The following NEBL variants were observed in gnomAD, a reference collection of about 807,000 sequenced individuals.
NEBL encodes LIM and SH3 protein 2.
NEBL carries 122 observed loss-of-function variants against 140.2 expected under a neutral mutation model. The ratio of observed to expected loss-of-function variants is 0.87; its 90% CI spans 0.75 to 1.01. The LOEUF (loss-of-function observed/expected upper bound fraction) is 1.01, where lower values mean the gene tolerates loss of function less well. Ranked by LOEUF, NEBL falls within the 50% of genes least tolerant of loss-of-function variation. The probability of loss-of-function intolerance (pLI) is 0.00; values close to 1 mark genes in which losing one functional copy is unlikely to be tolerated. For synonymous variants in NEBL, 436 were observed against 398.9 expected, an observed-to-expected ratio of 1.09 and a Z score of -1.11; for missense variants, 1,365 against 1,231.3, an observed-to-expected ratio of 1.11 and a Z score of -1.62.
intron 2 of NEBL, among the ~76,000 whole-genome samples, chr10:21,085,263 T>A (rs1172041237): frequency 6.6e-6 from 1 of 152,212 alleles, no homozygotes; most frequent in Non-Finnish European, 1.5e-5. Context: ...TCATAGCTAC[T>A]TTCTTCTCAT....
chr10:21,056,383 CAA>C (rs1835025245), intron 2 of NEBL, among the ~76,000 whole-genome samples: 1 of 148,440 alleles, frequency 6.7e-6, no homozygotes, highest in South Asian at 2.2e-4. Flanking sequence ...TAAATTTGCG[CAA>C]AGTTCCCTGT....
chr10:21,043,397 CT>C (rs1167991943), intron 2 of NEBL, among the ~76,000 whole-genome samples: 1 of 152,164 alleles, frequency 6.6e-6, no homozygotes, highest in Non-Finnish European at 1.5e-5. Flanking sequence ...TTCGAGTGTG[CT>C]TTCTATGCAC....
chr10:20,852,200 A>T (rs1842609777), intron 10 of NEBL, among the ~76,000 whole-genome samples: 1 of 152,214 alleles, frequency 6.6e-6, no homozygotes, highest in Non-Finnish European at 1.5e-5. Context: ...TGGAAAATTA[A>T]CGTTACTGCT....
chr10:21,045,126 A>G (rs183240180), intron 2 of NEBL, among the ~76,000 whole-genome samples: 248 of 152,342 alleles, frequency 1.6e-3, no homozygotes, highest in African/African-American at 5.4e-3. Flanking sequence ...TTAAAACTGT[A>G]TCTTTAAAAT....
intron 4 of NEBL, among the ~76,000 whole-genome samples, chr10:20,957,578 T>G (rs974132063): frequency 6.6e-6 from 1 of 152,114 alleles, no homozygotes; most frequent in East Asian, 1.9e-4. Flanking sequence ...TAGTCTATAC[T>G]GATCTAGGAA....
chr10:21,285,903 C>T (rs1253545295), intron 1 of NEBL, among the ~76,000 whole-genome samples: 13 of 152,190 alleles, frequency 8.5e-5, no homozygotes, highest in Non-Finnish European at 1.6e-4. Flanking sequence ...GACCCCACAC[C>T]CTGTGAGAGT....
intron 2 of NEBL, among the ~76,000 whole-genome samples, chr10:20,896,057 G>A (rs147304546): frequency 3.5e-4 from 54 of 152,188 alleles, no homozygotes; most frequent in Non-Finnish European, 4.9e-4. Flanking sequence ...ACTGACTTCC[G>A]TTAGAAAACA....
upstream of NEBL, among the ~76,000 whole-genome samples, chr10:21,179,141 G>A (rs1166268900): frequency 1.3e-5 from 2 of 152,154 alleles, no homozygotes; most frequent in Non-Finnish European, 2.9e-5. Flanking sequence ...AGGGAAGAAG[G>A]GAGGGGGAGA....
At chr10:21,055,789 A>G (rs1340651293) in intron 2 of NEBL, among the ~76,000 whole-genome samples, 1 of 152,228 alleles carries the variant, frequency 6.6e-6, no homozygotes, top group Non-Finnish European at 1.5e-5. Context: ...CCAAATTAGC[A>G]TCAAGTGTAG....
chr10:20,827,265 A>C (rs1359243368), intron 17 of NEBL, among the ~76,000 whole-genome samples: 1 of 152,214 alleles, frequency 6.6e-6, no homozygotes, highest in Non-Finnish European at 1.5e-5. Context: ...AGAGCACGGT[A>C]GGAGAGATGT....
intron 4 of NEBL, among the ~76,000 whole-genome samples, chr10:20,944,896 C>T (rs1835081108): frequency 6.6e-6 from 1 of 152,118 alleles, no homozygotes; most frequent in South Asian, 2.1e-4. Context: ...AACAGTCAGA[C>T]ATAAGAGGCC....
intron 4 of NEBL, among the ~76,000 whole-genome samples, chr10:20,951,232 T>C (rs1225793968): frequency 6.6e-6 from 1 of 152,200 alleles, no homozygotes; most frequent in Admixed American, 6.5e-5. Flanking sequence ...AAATAGAGTC[T>C]GGAGGCATTT....
intron 26 of NEBL, among the ~76,000 whole-genome samples, chr10:20,792,600 G>C (rs992396510): frequency 6.6e-6 from 1 of 152,054 alleles, no homozygotes; most frequent in Non-Finnish European, 1.5e-5. Flanking sequence ...TCAGGAGTTC[G>C]AGACCAGCCT....
chr10:21,020,060 C>T, intron 3 of NEBL: 1 of 1,399,746 alleles, frequency 7.1e-7, no homozygotes, highest in Non-Finnish European at 1.0e-6. Context: ...CTCAGAAGAG[C>T]AGCCTTGTGA....
chr10:21,139,987 C>CAAAAAAAAAAA (rs11289396), intron 2 of NEBL, among the ~76,000 whole-genome samples: 5 of 99,674 alleles, frequency 5.0e-5, no homozygotes, highest in African/African-American at 1.3e-4. Context: ...CCTGTCTCAA[C>CAAAAAAAAAAA]AAAAAAAAAA....
Position 21,149,566 on chromosome 10 carries a change from T to C in NEBL, c.164+22817A>G, listed in dbSNP as rs313796. Among the ~76,000 whole-genome samples the C allele has an allele frequency of 3.9e-5, 6 of 152,306 alleles. No homozygotes were observed. The East Asian group carries it at 1.2e-3, about 29-fold the overall frequency. Reference sequence around the variant, plus strand: ...TTGGCTTCCCAAAGTGCTGGGATTATAGGCATGAGCCATCGCGCCCGACCT... The same window carrying C: ...TTGGCTTCCCAAAGTGCTGGGATTACAGGCATGAGCCATCGCGCCCGACCT... On this transcript the variant is annotated intron_variant, in intron 2 of 6. Coordinates refer to the NEBL transcript ENST00000417816.
chr10:21,136,026 C>A (rs1293562358), intron 2 of NEBL, among the ~76,000 whole-genome samples: 2 of 152,188 alleles, frequency 1.3e-5, no homozygotes, highest in Non-Finnish European at 2.9e-5. Flanking sequence ...AATTCAAACA[C>A]CTTCAGCTGT....
At chr10:21,049,631 T>G (rs1357358934) in intron 2 of NEBL, among the ~76,000 whole-genome samples, 1 of 152,154 alleles carries the variant, frequency 6.6e-6, no homozygotes, top group Non-Finnish European at 1.5e-5. Flanking sequence ...GCCCTTTGAA[T>G]CTACACAGTC....
chr10:21,062,774 C>T (rs1589192387), intron 2 of NEBL, among the ~76,000 whole-genome samples: 1 of 152,090 alleles, frequency 6.6e-6, no homozygotes, highest in South Asian at 2.1e-4. Context: ...CAGTTCTGCA[C>T]CAGTCTAGAC....
Sources: gnomAD v4.1 joint callset for allele counts (sites outside exome capture counted in the v4.1 genomes callset) on GRCh38, gnomAD v4.1.1 for gene constraint, MANE v1.5 for transcripts, NCBI Gene and HGNC (gene_info 2026-07-23, HGNC 2026-07-21) for gene names.